TASP1: variants seen among roughly 807,000 people sequenced by gnomAD.
TASP1 encodes the protein taspase 1, also known as threonine aspartase 1.
Under a neutral mutation model 56.6 loss-of-function variants are expected in TASP1, and 16 were observed. The observed-to-expected ratio is 0.28, with a 90% CI of 0.19 to 0.43. The LOEUF (loss-of-function observed/expected upper bound fraction) is 0.43, where lower values mean the gene tolerates loss of function less well. Among genes scored for constraint, TASP1 ranks in the 20% least tolerant of loss-of-function variants. The probability of loss-of-function intolerance (pLI) is 1.00; values close to 1 mark genes in which losing one functional copy is unlikely to be tolerated. For synonymous variants in TASP1, 179 were observed against 184.2 expected, an observed-to-expected ratio of 0.97 and a Z score of 0.23; for missense variants, 393 against 511.6, an observed-to-expected ratio of 0.77 and a Z score of 2.24.
chr20:13,484,667 C>T (rs1220548049), intron 10 of TASP1, among the ~76,000 whole-genome samples: 4 of 141,984 alleles, frequency 2.8e-5, no homozygotes, highest in Non-Finnish European at 6.0e-5. Flanking sequence ...ACCTGGTAGG[C>T]GGAGTTTGCT....
chr20:13,231,040 G>A, the TASP1 span, among the ~76,000 whole-genome samples: 4 of 151,998 alleles, frequency 2.6e-5, no homozygotes, highest in South Asian at 2.1e-4. Context: ...CTCCCTCTTC[G>A]CCTACCAGAG....
At position 13,555,521 on chromosome 20, in the gene TASP1, G is replaced by A. The variant is rs186958248; in HGVS notation, c.675+3487C>T. 2.2e-4 allele frequency among the ~76,000 whole-genome samples: 34 copies of A among 151,542 alleles called. No homozygotes were observed. In the East Asian group the frequency reaches 6.6e-3, roughly 29 times the overall value. On this transcript the variant is annotated intron_variant, in intron 8 of 13. Transcript: ENST00000337743. ...CAAGCAGCAACTCTTCACCTGTAAAGTTCTATCATGAGATTGTAGCAATTC... is the reference window on the plus strand; with the variant it reads ...CAAGCAGCAACTCTTCACCTGTAAAATTCTATCATGAGATTGTAGCAATTC...
the TASP1 span, among the ~76,000 whole-genome samples, chr20:13,176,854 C>T: frequency 0.025 from 3,829 of 152,202 alleles, 69 homozygotes; most frequent in South Asian, 0.034. Context: ...GTTTATCCCA[C>T]GTACAATCGC....
the TASP1 span, among the ~76,000 whole-genome samples, chr20:13,280,172 C>T: frequency 6.6e-6 from 1 of 152,060 alleles, no homozygotes; most frequent in East Asian, 1.9e-4. Context: ...TTCTGCCTCC[C>T]CCGCCCCTCA....
chr20:13,634,550 C>T (rs549755048), intron 1 of TASP1, among the ~76,000 whole-genome samples: 5 of 151,756 alleles, frequency 3.3e-5, no homozygotes, highest in East Asian at 3.9e-4. Flanking sequence ...GCCAACATGG[C>T]GAAATCCCGT....
At chr20:13,206,076 T>C in the TASP1 span, among the ~76,000 whole-genome samples, 1 of 151,962 alleles carries the variant, frequency 6.6e-6, no homozygotes, top group Non-Finnish European at 1.5e-5. Context: ...GAGCAGGGAG[T>C]CCTTGGCATC....
the TASP1 span, among the ~76,000 whole-genome samples, chr20:13,218,175 T>C: frequency 6.7e-6 from 1 of 149,196 alleles, no homozygotes; most frequent in African/African-American, 2.5e-5. Context: ...TGCTTGAACC[T>C]GGGAAGCAGA....
At chr20:13,444,200 A>C (rs891319937) in intron 11 of TASP1, among the ~76,000 whole-genome samples, 1 of 152,172 alleles carries the variant, frequency 6.6e-6, no homozygotes, top group African/African-American at 2.4e-5. Context: ...CCAAAACATC[A>C]GAGTTCCTTT....
the TASP1 span, among the ~76,000 whole-genome samples, chr20:13,330,622 T>G: frequency 7.2e-5 from 11 of 152,216 alleles, no homozygotes; most frequent in Non-Finnish European, 1.5e-4. Context: ...GTAGAATATG[T>G]CAGTGAAACT....
At chr20:13,375,536 A>G in the TASP1 span, among the ~76,000 whole-genome samples, 1 of 152,182 alleles carries the variant, frequency 6.6e-6, no homozygotes, top group Admixed American at 6.5e-5. Context: ...TAGTGCTGCA[A>G]TAAACATATG....
At chr20:13,454,209 G>A (rs574549324) in intron 11 of TASP1, among the ~76,000 whole-genome samples, 2 of 152,236 alleles carry the variant, frequency 1.3e-5, no homozygotes, top group African/African-American at 2.4e-5. Context: ...AAAGGGATAA[G>A]ACAGTGAATT....
chr20:13,587,206 C>A, intron 5 of TASP1, 44 bp downstream of exon 5: 1 of 1,568,238 alleles, frequency 6.4e-7, no homozygotes, highest in South Asian at 1.2e-5. Flanking sequence ...GAAATGGTCA[C>A]GTGCATGATT....
chr20:13,433,397 G>A (rs1383307229), intron 12 of TASP1, among the ~76,000 whole-genome samples: 2 of 151,660 alleles, frequency 1.3e-5, no homozygotes, highest in East Asian at 1.9e-4. Flanking sequence ...ATTCAACAAC[G>A]ATTAAGACAC....
At chr20:13,391,251 G>C (rs568308753) in intron 13 of TASP1, among the ~76,000 whole-genome samples, 6 of 152,188 alleles carry the variant, frequency 3.9e-5, no homozygotes, top group Non-Finnish European at 5.9e-5. Flanking sequence ...ATACAACAGG[G>C]AGTTTTGTAG....
intron 5 of TASP1, among the ~76,000 whole-genome samples, chr20:13,581,594 G>C (rs1010525868): frequency 6.6e-6 from 1 of 152,190 alleles, no homozygotes; most frequent in African/African-American, 2.4e-5. Context: ...TTCTTTCCAA[G>C]AGGCTAACCA....
chr20:13,299,571 A>G, the TASP1 span: 3 of 980,728 alleles, frequency 3.1e-6, no homozygotes, highest in Non-Finnish European at 3.0e-6. This position sits in a 1 kb window ranked among gnomAD's most constrained non-coding sequence, Gnocchi z 5.8. Context: ...GTATATTTGT[A>G]TATACCACAT....
chr20:13,290,947 A>G, the TASP1 span, among the ~76,000 whole-genome samples: 5 of 152,350 alleles, frequency 3.3e-5, no homozygotes, highest in East Asian at 7.7e-4. Flanking sequence ...TACAGAGTTC[A>G]TATTCTTAAT....
intron 1 of TASP1, among the ~76,000 whole-genome samples, chr20:13,630,687 C>CAAA (rs33973259): frequency 9.2e-4 from 60 of 65,462 alleles, no homozygotes; most frequent in East Asian, 1.4e-3. Flanking sequence ...AGCTCTGTCT[C>CAAA]AAAAAAAAAA....
intron 4 of TASP1, among the ~76,000 whole-genome samples, chr20:13,597,220 A>G (rs959090302): frequency 4.6e-5 from 7 of 152,294 alleles, no homozygotes; most frequent in East Asian, 1.9e-4. Context: ...CCTGGCGGAG[A>G]CACAACAGAA....
Sources: allele counts gnomAD v4.1 joint callset (sites outside exome capture counted in the v4.1 genomes callset), GRCh38; gene constraint gnomAD v4.1.1; non-coding constraint Gnocchi (gnomAD v3.1); transcripts MANE v1.5; gene names NCBI Gene and HGNC (gene_info 2026-07-23, HGNC 2026-07-21).